ZFHX3: variants seen among roughly 807,000 people sequenced by gnomAD.
ZFHX3 encodes zinc finger homeobox 3.
Under a neutral mutation model 279.1 loss-of-function variants are expected in ZFHX3, and 42 were observed. The observed-to-expected ratio is 0.15, with a 90% CI of 0.12 to 0.19. The LOEUF is 0.19. Among genes scored for constraint, ZFHX3 ranks in the 10% least tolerant of loss-of-function variants. The probability of loss-of-function intolerance (pLI) is 1.00; values close to 1 mark genes in which losing one functional copy is unlikely to be tolerated. For missense variants in ZFHX3, 4,981 were observed against 4,754.0 expected (o/e 1.05, Z -1.40); for synonymous variants, 2,293 against 1,957.8 (o/e 1.17, Z -4.52).
At chr16:73,121,904 C>T (rs188442490) in intron 7 of ZFHX3, among the ~76,000 whole-genome samples, 157 of 152,208 alleles carry the variant, frequency 1.0e-3, no homozygotes, top group Non-Finnish European at 1.8e-3. Context: ...CATGAGCCAC[C>T]GCACCCAGCC....
chr16:73,550,238 G>A (rs541836217), intron 2 of ZFHX3, among the ~76,000 whole-genome samples: 12 of 152,250 alleles, frequency 7.9e-5, no homozygotes, highest in East Asian at 3.9e-4. Context: ...GGGTATTGGC[G>A]TCCAAATCAT....
chr16:72,790,826 T>C (rs2035666863), intron 9 of ZFHX3: 1 of 152,078 alleles, frequency 6.6e-6, no homozygotes, highest in Non-Finnish European at 1.5e-5. Flanking sequence ...GGAAGGAATA[T>C]TTAGAGATTT....
chr16:72,991,003 AAAG>A (rs1399171455), intron 1 of ZFHX3, among the ~76,000 whole-genome samples: 1 of 151,794 alleles, frequency 6.6e-6, no homozygotes, highest in African/African-American at 2.4e-5. Context: ...AAAAAAAAAA[AAAG>A]AGAGAGAAAT....
intron 5 of ZFHX3, among the ~76,000 whole-genome samples, chr16:73,220,998 G>T (rs371693570): frequency 4.7e-4 from 72 of 152,266 alleles, no homozygotes; most frequent in African/African-American, 1.6e-3. Context: ...GAGCTGGGGA[G>T]AAGCACTGTT....
intron 5 of ZFHX3, among the ~76,000 whole-genome samples, chr16:73,161,625 G>A (rs1967237865): frequency 6.6e-6 from 1 of 152,182 alleles, no homozygotes; most frequent in African/African-American, 2.4e-5. Context: ...TTAGCATGAT[G>A]AGAAGTGCTT....
chr16:73,136,387 T>C (rs1005767420), intron 6 of ZFHX3, among the ~76,000 whole-genome samples: 1 of 152,102 alleles, frequency 6.6e-6, no homozygotes, highest in Non-Finnish European at 1.5e-5. Context: ...CATTCTAAAC[T>C]ATCTATTAGG....
Position 72,783,306 on chromosome 16 carries a change from TAAAC to T in ZFHX3, c.*3854_*3857del, listed in dbSNP as rs1234630686. The T allele has an allele frequency of 2.0e-5, 3 of 152,414 alleles. No homozygotes were observed. The highest frequency in any genetic ancestry group is 3.9e-4 in the East Asian group (2 of 5,156). The allele number at this position is 152,414 out of a possible 1,614,324, so 9.4% of individuals were successfully genotyped here. A position where few individuals can be genotyped will look rare whatever the true frequency, so the allele number is the denominator to read the frequency against. On this transcript the variant is annotated 3_prime_UTR_variant, in exon 10 of 10. Coordinates refer to ENST00000268489, the MANE Select transcript of ZFHX3 (RefSeq NM_006885.4). ...TTGCCCCCCTCCCCCCTGAAGAAAG[TAAAC>T]AAACAAAAAACTAGTCAAAGCTTTG...
intron 5 of ZFHX3, among the ~76,000 whole-genome samples, chr16:72,814,777 C>T (rs912926895): frequency 6.6e-6 from 1 of 152,184 alleles, no homozygotes; most frequent in Admixed American, 6.5e-5. Flanking sequence ...ACATGAAATG[C>T]TGCATCCACT....
At chr16:73,865,634 G>C (rs1056454840) in intron 1 of ZFHX3, among the ~76,000 whole-genome samples, 1 of 152,078 alleles carries the variant, frequency 6.6e-6, no homozygotes, top group African/African-American at 2.4e-5. Flanking sequence ...TCCTGATTTG[G>C]GGTAAATCTG....
At chr16:72,810,927 C>A (rs1339259458) in intron 7 of ZFHX3, among the ~76,000 whole-genome samples, 6 of 152,154 alleles carry the variant, frequency 3.9e-5, no homozygotes, top group African/African-American at 1.4e-4. Context: ...GTTAGCCAGG[C>A]TGCAGCGCAG....
intron 3 of ZFHX3, among the ~76,000 whole-genome samples, chr16:73,390,754 G>T (rs1000105695): frequency 6.6e-6 from 1 of 151,918 alleles, no homozygotes; most frequent in Non-Finnish European, 1.5e-5. Context: ...TTTCATCAAT[G>T]AAAGGAGATC....
At chr16:73,083,720 C>T (rs1057478966) in intron 8 of ZFHX3, among the ~76,000 whole-genome samples, 4 of 152,168 alleles carry the variant, frequency 2.6e-5, no homozygotes, top group Admixed American at 1.3e-4. Flanking sequence ...TATAGAGATG[C>T]GTTTTTGCCA....
At chr16:73,774,624 T>C (rs181435989) in intron 1 of ZFHX3, among the ~76,000 whole-genome samples, 95 of 152,312 alleles carry the variant, frequency 6.2e-4, no homozygotes, top group Non-Finnish European at 1.2e-3. Context: ...GTAAGGCAAA[T>C]AGTTATGCAC....
chr16:73,694,024 T>TAA (rs376731332), intron 1 of ZFHX3, among the ~76,000 whole-genome samples: 65,175 of 146,322 alleles, frequency 0.45, 16,374 homozygotes, highest in East Asian at 0.82. Context: ...TCGTTTTAGC[T>TAA]AAAAAAAAAA....
chr16:73,797,781 T>A (rs879118608), intron 1 of ZFHX3, among the ~76,000 whole-genome samples: 1 of 151,766 alleles, frequency 6.6e-6, no homozygotes, highest in Non-Finnish European at 1.5e-5. Flanking sequence ...AAAACATGCT[T>A]ATGTATAGGA....
At chr16:72,941,109 G>T (rs540930569) in intron 3 of ZFHX3, among the ~76,000 whole-genome samples, 2 of 152,190 alleles carry the variant, frequency 1.3e-5, no homozygotes, top group Non-Finnish European at 2.9e-5. Flanking sequence ...GCTGGTGACC[G>T]AACCAGGCCT....
chr16:72,928,440 C>T (rs75986340), intron 3 of ZFHX3, among the ~76,000 whole-genome samples: 1,750 of 152,148 alleles, frequency 0.012, 18 homozygotes, highest in Non-Finnish European at 0.017. Flanking sequence ...ACCACAACCC[C>T]TCGGCCCAAG....
At chr16:73,593,930 A>G (rs904610790) in intron 2 of ZFHX3, among the ~76,000 whole-genome samples, 1 of 152,206 alleles carries the variant, frequency 6.6e-6, no homozygotes. Flanking sequence ...GCCCATGTCA[A>G]ACTCTTGTTA....
intron 1 of ZFHX3, among the ~76,000 whole-genome samples, chr16:73,845,700 AC>A (rs1407581572): frequency 6.6e-6 from 1 of 152,108 alleles, no homozygotes; most frequent in Non-Finnish European, 1.5e-5. Context: ...ATGGATCAAA[AC>A]CTTCCAGCAA....
Sources: gnomAD v4.1 joint callset for allele counts (sites outside exome capture counted in the v4.1 genomes callset) on GRCh38, gnomAD v4.1.1 for gene constraint, MANE v1.5 for transcripts, NCBI Gene and HGNC (gene_info 2026-07-23, HGNC 2026-07-21) for gene names.